PRICKLE2: variants seen among roughly 807,000 people sequenced by gnomAD.
PRICKLE2 encodes the protein prickle-like protein 2.
A neutral mutation model predicts 81.4 loss-of-function variants in PRICKLE2; 21 were observed. That is an observed-to-expected ratio of 0.26 (90% CI 0.18 to 0.37). PRICKLE2 has a LOEUF of 0.37. Among genes scored for constraint, PRICKLE2 ranks in the 10% least tolerant of loss-of-function variants. The pLI, the probability that PRICKLE2 is intolerant of heterozygous loss-of-function variation, is 1.00. For missense variants in PRICKLE2, 940 were observed against 1,109.0 expected (o/e 0.85, Z 2.16); for synonymous variants, 456 against 421.5 (o/e 1.08, Z -1.00).
At chr3:64,186,400 C>T (rs1448943664) in intron 2 of PRICKLE2, among the ~76,000 whole-genome samples, 2 of 152,168 alleles carry the variant, frequency 1.3e-5, no homozygotes, top group Admixed American at 6.5e-5. Flanking sequence ...AATTTGAACA[C>T]AGAGCTAGTT....
At chr3:64,249,013 T>C (rs1246421519) in intron 2 of PRICKLE2, among the ~76,000 whole-genome samples, 2 of 152,218 alleles carry the variant, frequency 1.3e-5, no homozygotes, top group African/African-American at 4.8e-5. Context: ...TGACAATCTT[T>C]TCCTATTACA....
intron 7 of PRICKLE2, chr3:64,101,109 T>A (rs1449748406): frequency 6.6e-6 from 1 of 152,240 alleles, no homozygotes; most frequent in Non-Finnish European, 1.5e-5. Flanking sequence ...AAAGCCGCTC[T>A]GAATATCCTT....
At chr3:64,172,037 T>C (rs2077940948) in intron 2 of PRICKLE2, among the ~76,000 whole-genome samples, 1 of 152,190 alleles carries the variant, frequency 6.6e-6, no homozygotes, top group Non-Finnish European at 1.5e-5. Context: ...TGCCTGTTAG[T>C]TCTCACATGA....
intron 7 of PRICKLE2, chr3:64,145,765 G>C (rs1249519951): frequency 6.6e-6 from 1 of 151,880 alleles, no homozygotes; most frequent in Non-Finnish European, 1.5e-5. Flanking sequence ...CACCACGCTG[G>C]GGCAACTGGG....
intron 2 of PRICKLE2, among the ~76,000 whole-genome samples, chr3:64,171,408 C>T (rs2077929254): frequency 6.6e-6 from 1 of 152,232 alleles, no homozygotes; most frequent in Non-Finnish European, 1.5e-5. Context: ...ATACATGGGT[C>T]AGCCCCAACA....
chr3:64,201,139 C>A (rs2078569648), intron 1 of PRICKLE2, among the ~76,000 whole-genome samples: 1 of 151,654 alleles, frequency 6.6e-6, no homozygotes, highest in South Asian at 2.1e-4. Flanking sequence ...CCATATTAGC[C>A]AGGATGGTCT....
intron 1 of PRICKLE2, among the ~76,000 whole-genome samples, chr3:64,214,943 A>G (rs2078849099): frequency 6.6e-6 from 1 of 151,992 alleles, no homozygotes; most frequent in South Asian, 2.1e-4. Context: ...TACCACCTCT[A>G]TCTTTACTAT....
At chr3:64,201,517 G>A (rs1559575456) in intron 1 of PRICKLE2, among the ~76,000 whole-genome samples, 1 of 152,024 alleles carries the variant, frequency 6.6e-6, no homozygotes, top group African/African-American at 2.4e-5. Context: ...ATCTTTTTAT[G>A]TGCTTATTAT....
intron 2 of PRICKLE2, among the ~76,000 whole-genome samples, chr3:64,174,155 G>A (rs2107066731): frequency 6.6e-6 from 1 of 152,246 alleles, no homozygotes; most frequent in East Asian, 1.9e-4. Context: ...TCCACTTTGG[G>A]AATAGCTACT....
intron 2 of PRICKLE2, among the ~76,000 whole-genome samples, chr3:64,266,194 C>A (rs938967426): frequency 9.8e-6 from 1 of 101,868 alleles, no homozygotes; most frequent in East Asian, 2.7e-4. Flanking sequence ...AAGCCTCCAC[C>A]GCAAAAGAAA....
At chr3:64,118,199 G>A (rs1420921865) in intron 7 of PRICKLE2, among the ~76,000 whole-genome samples, 1 of 152,088 alleles carries the variant, frequency 6.6e-6, no homozygotes, top group Non-Finnish European at 1.5e-5. Context: ...ATTAACTCAA[G>A]ATGGATTAAA....
intron 2 of PRICKLE2, among the ~76,000 whole-genome samples, chr3:64,245,124 GT>G (rs1418712121): frequency 2.6e-5 from 4 of 152,154 alleles, no homozygotes; most frequent in African/African-American, 7.2e-5. Flanking sequence ...AAAAATGTGT[GT>G]TCACTGGATA....
intron 2 of PRICKLE2, among the ~76,000 whole-genome samples, chr3:64,244,602 TGG>T (rs1491397950): frequency 3.6e-5 from 3 of 83,360 alleles, no homozygotes; most frequent in Admixed American, 1.3e-4. Context: ...AGTGAATGAC[TGG>T]TGTGTGTGTG....
chr3:64,113,654 C>T (rs1396988827), intron 7 of PRICKLE2, among the ~76,000 whole-genome samples: 1 of 152,156 alleles, frequency 6.6e-6, no homozygotes, highest in African/African-American at 2.4e-5. Context: ...CTGCACCCAC[C>T]CAGCCCCCAG....
chr3:64,221,516 A>G (rs530027488), intron 1 of PRICKLE2, among the ~76,000 whole-genome samples: 1 of 152,200 alleles, frequency 6.6e-6, no homozygotes, highest in South Asian at 2.1e-4. Flanking sequence ...AGGTTAAGAC[A>G]GAGCAAAGGG....
At chr3:64,162,324 C>T (rs1349240489) in intron 3 of PRICKLE2, among the ~76,000 whole-genome samples, 1 of 152,152 alleles carries the variant, frequency 6.6e-6, no homozygotes, top group Admixed American at 6.5e-5. Context: ...AGCATGTAAA[C>T]TGACTTCCCT....
At position 64,156,119 on chromosome 3, in the gene PRICKLE2, G is replaced by T. The variant is rs1371375463; in HGVS notation, c.600+1043C>A. Among the ~76,000 whole-genome samples the T allele has an allele frequency of 2.6e-5, 4 of 152,298 alleles. No homozygotes were observed. In the East Asian group the frequency reaches 7.7e-4, roughly 29 times the overall value. On this transcript the variant is annotated intron_variant, in intron 5 of 7. Coordinates refer to ENST00000638394, the MANE Select transcript of PRICKLE2 (RefSeq NM_198859.4). ...GTATTCTGAGCACCAATTTTCAGAT[G>T]TGGAAACTGAGGCATGAAGGTCAAA...
At chr3:64,260,441 C>G (rs1485572726) in intron 2 of PRICKLE2, among the ~76,000 whole-genome samples, 1 of 152,200 alleles carries the variant, frequency 6.6e-6, no homozygotes, top group African/African-American at 2.4e-5. Context: ...CAGTTCTTGC[C>G]CATGGCAGAC....
intron 2 of PRICKLE2, among the ~76,000 whole-genome samples, chr3:64,250,531 C>T (rs1464455102): frequency 3.3e-5 from 5 of 152,158 alleles, no homozygotes; most frequent in Admixed American, 6.5e-5. Context: ...CTGATTAGTC[C>T]ATGAATGTAT....
Sources: gnomAD v4.1 joint callset for allele counts (sites outside exome capture counted in the v4.1 genomes callset) on GRCh38, gnomAD v4.1.1 for gene constraint, MANE v1.5 for transcripts, NCBI Gene and HGNC (gene_info 2026-07-23, HGNC 2026-07-21) for gene names.